The following VPS13A variants were observed in gnomAD, a reference collection of about 807,000 sequenced individuals.
The protein encoded by VPS13A is vacuolar protein sorting 13 homolog A.
Under a neutral mutation model 390.9 loss-of-function variants are expected in VPS13A, and 264 were observed. The ratio of observed to expected loss-of-function variants is 0.68; its 90% confidence interval spans 0.61 to 0.75. The LOEUF (loss-of-function observed/expected upper bound fraction) is 0.75. VPS13A is among the 30% of genes least tolerant of loss of function. The pLI, the probability that VPS13A is intolerant of heterozygous loss-of-function variation, is 0.00. For synonymous variants in VPS13A, 1,231 were observed against 1,227.1 expected (o/e 1.00, Z -0.07); for missense variants, 3,409 against 3,733.9 (o/e 0.91, Z 2.27).
At chr9:77,309,724 G>A (rs1345261084) in intron 35 of VPS13A, among the ~76,000 whole-genome samples, 2 of 152,170 alleles carry the variant, frequency 1.3e-5, no homozygotes, top group African/African-American at 4.8e-5. Flanking sequence ...GTGAGCTGCT[G>A]TAAACTGTCC....
chr9:77,407,788 C>A, intron 71 of VPS13A, 181 bp downstream of exon 71: 1 of 546,930 alleles, frequency 1.8e-6, no homozygotes, highest in Non-Finnish European at 3.2e-6. Flanking sequence ...ACTTTTTTTT[C>A]TACCAGATTC....
At chr9:77,351,071 A>T (rs986032547) in intron 52 of VPS13A, 36 of 383,456 alleles carry the variant, frequency 9.4e-5, no homozygotes, top group Non-Finnish European at 6.7e-5. Flanking sequence ...TTGACAAAAC[A>T]GTTTTAAAGA....
chr9:77,400,780 A>G (rs1834352118), intron 68 of VPS13A, among the ~76,000 whole-genome samples: 1 of 150,670 alleles, frequency 6.6e-6, no homozygotes, highest in Non-Finnish European at 1.5e-5. Flanking sequence ...GTGAGCCGAG[A>G]TCGCATCACT....
chr9:77,334,262 C>G (rs553201752), intron 46 of VPS13A, among the ~76,000 whole-genome samples: 3 of 152,086 alleles, frequency 2.0e-5, no homozygotes, highest in Admixed American at 2.0e-4. Context: ...GATGGTTGCT[C>G]CCTCATTTTC....
intron 13 of VPS13A, among the ~76,000 whole-genome samples, chr9:77,224,441 G>T (rs1222773339): frequency 6.6e-6 from 1 of 152,168 alleles, no homozygotes; most frequent in Non-Finnish European, 1.5e-5. Flanking sequence ...TGAATCATGG[G>T]TGGAGGTCAA....
intron 70 of VPS13A, among the ~76,000 whole-genome samples, chr9:77,406,808 G>A (rs547873374): frequency 3.3e-5 from 5 of 151,784 alleles, no homozygotes; most frequent in African/African-American, 1.2e-4. Context: ...GAACATGTTT[G>A]ACTAGTAAAA....
chr9:77,187,910 T>C (rs1189703502), intron 1 of VPS13A, among the ~76,000 whole-genome samples: 1 of 152,168 alleles, frequency 6.6e-6, no homozygotes, highest in Admixed American at 6.5e-5. Flanking sequence ...TTTCCTTCTT[T>C]GTGTCCATGT....
chr9:77,234,801 C>T (rs1201944896), intron 17 of VPS13A, among the ~76,000 whole-genome samples: 2 of 151,776 alleles, frequency 1.3e-5, no homozygotes, highest in Admixed American at 1.3e-4. Flanking sequence ...TTATTTCTTC[C>T]TCATTTCTTT....
At chr9:77,186,045 T>C (rs1414585736) in intron 1 of VPS13A, among the ~76,000 whole-genome samples, 1 of 152,186 alleles carries the variant, frequency 6.6e-6, no homozygotes, top group African/African-American at 2.4e-5. Context: ...TGAGAATCTC[T>C]TGAACTGGGA....
Position 77,390,514 on chromosome 9 carries a change from T to C in VPS13A, c.9189+8427T>C, listed in dbSNP as rs12345860. ...CCTTCCAGTGTTATATAAAAATAAT[T>C]TTAGAATAAGATTTTGAAATAAATT... On this transcript the variant is annotated intron_variant, in intron 68 of 71. Transcript: ENST00000360280. 6.4e-3 allele frequency among the ~76,000 whole-genome samples: 972 copies of C among 152,228 alleles called. 11 individuals carry two copies. Among genetic ancestry groups the C allele is most frequent in the African/African-American group, 0.022 (926 of 41,538 alleles).
At position 77,353,379 on chromosome 9, in the gene VPS13A, T is replaced by C. The variant is rs370955076; in HGVS notation, c.7420-30T>C. On this transcript the variant is annotated intron_variant, in intron 53 of 71. Coordinates refer to ENST00000360280, the MANE Select transcript of VPS13A (RefSeq NM_033305.3). ...TGGGACCAAATTCTAATTTTTTGGT[T>C]TTTTTTTTTTTTTGGTGGTTTTATT... 2.0e-4 allele frequency: 254 copies of C among 1,291,844 alleles called. No individual in the cohort carries two copies. The African/African-American group carries it at 3.6e-3, about 18-fold the overall frequency. The allele number at this position is 1,291,844 out of a possible 1,614,324, so 80.0% of individuals were successfully genotyped here. A position where few individuals can be genotyped will look rare whatever the true frequency, so the allele number is the denominator to read the frequency against.
At chr9:77,330,607 T>A (rs1830231610) in intron 45 of VPS13A, among the ~76,000 whole-genome samples, 1 of 152,224 alleles carries the variant, frequency 6.6e-6, no homozygotes, top group African/African-American at 2.4e-5. Flanking sequence ...TATTTGGAAT[T>A]ATATTTATAA....
chr9:77,370,321 G>A lies in VPS13A; in HGVS notation c.8732G>A (p.Gly2911Asp). The A allele has an allele frequency of 6.2e-7, 1 of 1,614,174 alleles. No individual in the cohort carries two copies. Among genetic ancestry groups the A allele is most frequent in the Non-Finnish European group, 8.5e-7 (1 of 1,180,018 alleles). Residue 2911 changes from glycine to aspartate, a missense_variant, in exon 64 of 72, where the codon GGT becomes GAT. Coordinates refer to ENST00000360280, the MANE Select transcript of VPS13A (RefSeq NM_033305.3). ...GCACTAGGACTTAAGGCACTAGTTG[G>A]TGGAGCTGTTGGTAAGAAACAGAAT... ...GMALGLKALV[G>D]GAVGGLAGAA...
intron 68 of VPS13A, among the ~76,000 whole-genome samples, chr9:77,395,396 C>T (rs530421286): frequency 6.6e-6 from 1 of 151,942 alleles, no homozygotes; most frequent in Non-Finnish European, 1.5e-5. Context: ...GTTTATGGCA[C>T]CTCAAAAAGG....
Position 77,221,240 on chromosome 9 carries a change from A to G in VPS13A, c.1045A>G (p.Met349Val). ...AGTAAATGTTTGCCCCAGGTTATGG[A>G]TGTGGTCATGGAAGCATATTAGAAA... ...LEVNVCPRLW[M>V]WSWKHIRKHR... The change falls in exon 13 of 72, where the codon ATG (methionine) becomes GTG (valine). Residue 349 changes from methionine (M) to valine (V), a missense_variant. Physicochemically the swap from Met to Val is conservative, Grantham distance 21. Transcript: ENST00000360280. 1.9e-6 allele frequency: 3 copies of G among 1,613,508 alleles called. No individual in the cohort carries two copies. The highest frequency in any genetic ancestry group is 1.1e-5 in the South Asian group (1 of 91,074).
chr9:77,234,451 T>C (rs951914084), intron 17 of VPS13A, among the ~76,000 whole-genome samples: 7 of 152,250 alleles, frequency 4.6e-5, no homozygotes, highest in African/African-American at 1.7e-4. Context: ...TCTTTGGATG[T>C]AAAATGAGTC....
chr9:77,286,582 G>A (rs80167824), intron 31 of VPS13A, among the ~76,000 whole-genome samples: 3,073 of 152,140 alleles, frequency 0.02, 88 homozygotes, highest in African/African-American at 0.064. Flanking sequence ...ATGTCTTATG[G>A]CCTAGTATTG....
intron 23 of VPS13A, among the ~76,000 whole-genome samples, chr9:77,269,079 T>A (rs561294515): frequency 6.8e-4 from 103 of 152,362 alleles, no homozygotes; most frequent in South Asian, 3.3e-3. Flanking sequence ...TTAATTTTGA[T>A]ACAATTGACT....
chr9:77,253,621 A>G (rs1825268909), intron 22 of VPS13A, among the ~76,000 whole-genome samples: 2 of 152,158 alleles, frequency 1.3e-5, no homozygotes, highest in African/African-American at 4.8e-5. Flanking sequence ...TGAGAGTTTT[A>G]AAATATATTT....
Sources: allele counts gnomAD v4.1 joint callset (sites outside exome capture counted in the v4.1 genomes callset), GRCh38; gene constraint gnomAD v4.1.1; transcripts MANE v1.5; gene names NCBI Gene and HGNC (gene_info 2026-07-23, HGNC 2026-07-21).